CBL: variants seen among roughly 807,000 people sequenced by gnomAD.
CBL encodes E3 ubiquitin-protein ligase CBL.
In CBL, 45 loss-of-function variants were observed where a neutral mutation model predicts 96.9. The ratio of observed to expected loss-of-function variants is 0.46; its 90% CI spans 0.37 to 0.60. The LOEUF (loss-of-function observed/expected upper bound fraction) is 0.60, where lower values mean the gene tolerates loss of function less well. Among genes scored for constraint, CBL ranks in the 20% least tolerant of loss-of-function variants. The probability of loss-of-function intolerance (pLI) is 0.00; values close to 1 mark genes in which losing one functional copy is unlikely to be tolerated. For synonymous variants in CBL, 420 were observed against 426.8 expected, an observed-to-expected ratio of 0.98 and a Z score of 0.20; for missense variants, 1,024 against 1,143.5, an observed-to-expected ratio of 0.90 and a Z score of 1.51.
intron 2 of CBL, among the ~76,000 whole-genome samples, chr11:119,238,706 C>G (rs1009999711): frequency 6.6e-5 from 10 of 152,022 alleles, no homozygotes; most frequent in Non-Finnish European, 1.3e-4. Context: ...TGGCGAGTAC[C>G]TCTAATTTCA....
Position 119,275,977 on chromosome 11 carries a change from CT to C in CBL, c.870-19del, listed in dbSNP as rs548130600. ...ATACCAGCATAATCTACTAAAGCTTCTGTTTATGTCTGTTCATAGTTATATC... is the reference window on the plus strand; with the variant it reads ...ATACCAGCATAATCTACTAAAGCTTCGTTTATGTCTGTTCATAGTTATATC... On this transcript the variant is annotated intron_variant, in intron 5 of 15. Transcript: ENST00000264033. The C allele has an allele frequency of 3.1e-4, 497 of 1,613,388 alleles. 1 individual carries two copies. The African/African-American group carries it at 5.7e-3, about 19-fold the overall frequency.
At chr11:119,250,286 T>G (rs914146556) in intron 2 of CBL, among the ~76,000 whole-genome samples, 1 of 152,208 alleles carries the variant, frequency 6.6e-6, no homozygotes, top group Non-Finnish European at 1.5e-5. Flanking sequence ...CTTGTCCTTG[T>G]GTGAGATCTA....
chr11:119,275,403 A>T (rs924991675), intron 5 of CBL, among the ~76,000 whole-genome samples: 1 of 151,910 alleles, frequency 6.6e-6, no homozygotes, highest in Non-Finnish European at 1.5e-5. Flanking sequence ...ATGTCATTGC[A>T]CTCTAGCCTG....
rs1183850411 is a variant in CBL, at chr11:119,278,491, T to C, written c.1228-19T>C. The C allele has an allele frequency of 6.2e-7, 1 of 1,607,240 alleles. No individual in the cohort carries two copies. Among genetic ancestry groups the C allele is most frequent in the Admixed American group, 1.7e-5 (1 of 60,012 alleles). On this transcript the variant is annotated intron_variant, in intron 8 of 15. Coordinates refer to ENST00000264033, the MANE Select transcript of CBL (RefSeq NM_005188.4). Reference sequence around the variant, plus strand: ...GTATTTTCAGATGCATCTGTTACTATCTTTTGCTTCTTCTGCAGGAATCAG... The same window carrying C: ...GTATTTTCAGATGCATCTGTTACTACCTTTTGCTTCTTCTGCAGGAATCAG...
chr11:119,243,990 A>G (rs898833775), intron 2 of CBL, among the ~76,000 whole-genome samples: 2 of 152,112 alleles, frequency 1.3e-5, no homozygotes, highest in East Asian at 1.9e-4. Flanking sequence ...TGGCCTCCCA[A>G]AGTGTTGGGA....
chr11:119,270,874 T>G (rs1949843237), intron 2 of CBL, among the ~76,000 whole-genome samples: 2 of 152,186 alleles, frequency 1.3e-5, no homozygotes, highest in Admixed American at 1.3e-4. Context: ...GGCACCACTC[T>G]CGGCCTGTGT....
intron 2 of CBL, among the ~76,000 whole-genome samples, chr11:119,246,878 A>G (rs1441802453): frequency 1.3e-5 from 2 of 152,242 alleles, no homozygotes; most frequent in Non-Finnish European, 2.9e-5. Context: ...CGTAACACAC[A>G]TTGGTCACTT....
chr11:119,217,359 T>C (rs1173642811), intron 1 of CBL, among the ~76,000 whole-genome samples: 1 of 152,198 alleles, frequency 6.6e-6, no homozygotes, highest in African/African-American at 2.4e-5. Context: ...GTGATCTGCC[T>C]GCCTTGGCCT....
Position 119,223,184 on chromosome 11 carries a change from CTTTTTTTTTTTT to C in CBL, c.196-9245_196-9234del, listed in dbSNP as rs1167302746. On this transcript the variant is annotated intron_variant, in intron 1 of 15. Coordinates refer to ENST00000264033, the MANE Select transcript of CBL (RefSeq NM_005188.4). ...CAGAGCAAACCACCCCACACCCTTC[CTTTTTTTTTTTT>C]TTTTTTTTTTTTTTTTTTAAAGAGA... is the stretch of plus-strand genomic sequence containing the variant. 3.6e-4 allele frequency among the ~76,000 whole-genome samples: 24 copies of C among 67,194 alleles called. 1 individual carries two copies. In the East Asian group the frequency reaches 0.012, roughly 34 times the overall value. The allele number at this position is 67,194 out of a possible 152,430, so 44.1% of individuals were successfully genotyped here.
At chr11:119,289,910 G>T (rs1219370277) in intron 12 of CBL, among the ~76,000 whole-genome samples, 1 of 151,924 alleles carries the variant, frequency 6.6e-6, no homozygotes, top group Admixed American at 6.6e-5. Context: ...GCCTGGCTAG[G>T]TTTTTAATTT....
intron 2 of CBL, among the ~76,000 whole-genome samples, chr11:119,262,286 C>A (rs117053424): frequency 6.6e-6 from 1 of 152,178 alleles, no homozygotes; most frequent in Non-Finnish European, 1.5e-5. Context: ...CCAGAGGAGA[C>A]TAAGGAGATA....
At chr11:119,216,889 G>T (rs1341072081) in intron 1 of CBL, among the ~76,000 whole-genome samples, 1 of 152,102 alleles carries the variant, frequency 6.6e-6, no homozygotes, top group Non-Finnish European at 1.5e-5. Flanking sequence ...CTCCGAGAAG[G>T]TTGGAGAAAT....
intron 1 of CBL, among the ~76,000 whole-genome samples, chr11:119,207,545 T>C (rs1398199569): frequency 6.6e-6 from 1 of 152,232 alleles, no homozygotes; most frequent in African/African-American, 2.4e-5. Flanking sequence ...CAAAAATAAC[T>C]CCTTTATATT....
intron 12 of CBL, among the ~76,000 whole-genome samples, chr11:119,294,739 C>T (rs1950051937): frequency 6.6e-6 from 1 of 151,428 alleles, no homozygotes; most frequent in Non-Finnish European, 1.5e-5. Flanking sequence ...TGCAGTGAGC[C>T]TAGATCACGC....
intron 1 of CBL, 33 bp downstream of exon 1, chr11:119,206,645 G>A (rs1279117675): frequency 3.2e-6 from 5 of 1,540,000 alleles, no homozygotes; most frequent in Non-Finnish European, 2.6e-6. Flanking sequence ...GCTGTTGCAG[G>A]GTGGGCGTGG....
intron 14 of CBL, 134 bp downstream of exon 14, chr11:119,297,615 G>A: frequency 5.6e-6 from 4 of 717,278 alleles, no homozygotes; most frequent in Non-Finnish European, 1.0e-5. Context: ...GTGCCACCAT[G>A]CCCGGCTAAT....
intron 2 of CBL, among the ~76,000 whole-genome samples, chr11:119,233,387 C>A (rs1024000223): frequency 1.3e-5 from 2 of 152,108 alleles, no homozygotes; most frequent in African/African-American, 4.8e-5. Context: ...ATGTGCACCA[C>A]CATGCCTGAT....
chr11:119,272,831 A>G (rs1016372481), intron 3 of CBL, among the ~76,000 whole-genome samples: 1 of 152,122 alleles, frequency 6.6e-6, no homozygotes, highest in African/African-American at 2.4e-5. Flanking sequence ...GTTCTTTGTT[A>G]GATACTTACA....
At chr11:119,280,658 C>T (rs920616757) in intron 9 of CBL, among the ~76,000 whole-genome samples, 5 of 152,146 alleles carry the variant, frequency 3.3e-5, no homozygotes, top group African/African-American at 9.7e-5. Context: ...TTCCCTGCCT[C>T]TGCCCCCTCC....
Sources: gnomAD v4.1 joint callset for allele counts (sites outside exome capture counted in the v4.1 genomes callset) on GRCh38, gnomAD v4.1.1 for gene constraint, MANE v1.5 for transcripts, NCBI Gene and HGNC (gene_info 2026-07-23, HGNC 2026-07-21) for gene names.